SCHIP1: variants seen among roughly 807,000 people sequenced by gnomAD.
The protein encoded by SCHIP1 is schwannomin-interacting protein 1.
In SCHIP1, 8 loss-of-function variants were observed where a neutral mutation model predicts 29.7. The ratio of observed to expected loss-of-function variants is 0.27; its 90% CI spans 0.16 to 0.49. SCHIP1 has a LOEUF of 0.49. Among genes scored for constraint, SCHIP1 ranks in the 20% least tolerant of loss-of-function variants. SCHIP1 has a pLI of 0.99. For missense variants in SCHIP1, 193 were observed against 294.6 expected (o/e 0.66, Z 2.52); for synonymous variants, 76 against 94.9 (o/e 0.80, Z 1.16).
chr3:159,732,760 C>T, the SCHIP1 span, among the ~76,000 whole-genome samples: 3 of 152,276 alleles, frequency 2.0e-5, no homozygotes, highest in Non-Finnish European at 4.4e-5. Context: ...GCTATATAAC[C>T]TGGTGAACCG....
chr3:159,286,660 T>C, the SCHIP1 span, among the ~76,000 whole-genome samples: 12 of 152,186 alleles, frequency 7.9e-5, no homozygotes, highest in Admixed American at 2.0e-4. Flanking sequence ...CTGCTTTCCA[T>C]AGTGGCTGAA....
the SCHIP1 span, among the ~76,000 whole-genome samples, chr3:159,392,997 T>C: frequency 7.2e-5 from 11 of 152,210 alleles, no homozygotes; most frequent in African/African-American, 1.2e-4. Context: ...TTTTTAATGA[T>C]TGCCATTCTA....
the SCHIP1 span, among the ~76,000 whole-genome samples, chr3:159,461,683 C>G: frequency 2.6e-5 from 4 of 151,348 alleles, no homozygotes; most frequent in Non-Finnish European, 5.9e-5. Context: ...TCAAGCAGTT[C>G]TCGGTATACC....
At chr3:159,346,178 A>ACTC in the SCHIP1 span, among the ~76,000 whole-genome samples, 31 of 149,118 alleles carry the variant, frequency 2.1e-4, no homozygotes. Flanking sequence ...AGAGAATGAG[A>ACTC]CTCTGTCTCA....
chr3:159,516,690 C>T, the SCHIP1 span, among the ~76,000 whole-genome samples: 3 of 152,148 alleles, frequency 2.0e-5, no homozygotes, highest in Admixed American at 2.0e-4. Context: ...ACACCCTCTA[C>T]AGTCTGACAC....
the SCHIP1 span, among the ~76,000 whole-genome samples, chr3:159,318,192 G>A: frequency 2.6e-5 from 4 of 152,128 alleles, no homozygotes; most frequent in Non-Finnish European, 5.9e-5. Flanking sequence ...CTATCCACTT[G>A]ATTATTAAAC....
intron 4 of SCHIP1, chr3:159,888,191 C>A: frequency 2.4e-6 from 1 of 424,998 alleles, no homozygotes; most frequent in Non-Finnish European, 4.3e-6. Context: ...TCCTTTGAAG[C>A]GATCTCAATC....
chr3:159,731,695 G>A, the SCHIP1 span, among the ~76,000 whole-genome samples: 15 of 152,214 alleles, frequency 9.9e-5, no homozygotes, highest in African/African-American at 3.4e-4. Flanking sequence ...AGGCGAGCAA[G>A]ATCCTCTGTC....
chr3:159,813,890 G>C, the SCHIP1 span, among the ~76,000 whole-genome samples: 1 of 152,126 alleles, frequency 6.6e-6, no homozygotes, highest in African/African-American at 2.4e-5. Flanking sequence ...TATAATGGAG[G>C]CCACAGCCCA....
the SCHIP1 span, among the ~76,000 whole-genome samples, chr3:159,747,987 A>G: frequency 6.6e-6 from 1 of 152,178 alleles, no homozygotes; most frequent in Admixed American, 6.5e-5. Flanking sequence ...TTGATCATAA[A>G]GTTTCATCCT....
At chr3:159,537,593 G>A in the SCHIP1 span, among the ~76,000 whole-genome samples, 5 of 152,010 alleles carry the variant, frequency 3.3e-5, no homozygotes, top group African/African-American at 4.8e-5. Flanking sequence ...CACCTTGCCT[G>A]AGAGATCGGT....
the SCHIP1 span, among the ~76,000 whole-genome samples, chr3:159,369,147 T>C: frequency 6.6e-6 from 1 of 152,210 alleles, no homozygotes. Context: ...GTTTCAAAAA[T>C]TGTATGATAT....
At chr3:159,728,920 C>G in the SCHIP1 span, among the ~76,000 whole-genome samples, 1 of 152,166 alleles carries the variant, frequency 6.6e-6, no homozygotes, top group African/African-American at 2.4e-5. Context: ...GAGGCCAAGG[C>G]AGGCAGATCA....
the SCHIP1 span, among the ~76,000 whole-genome samples, chr3:159,305,705 CT>C: frequency 3.3e-5 from 5 of 152,168 alleles, no homozygotes; most frequent in Admixed American, 6.5e-5. Flanking sequence ...AATATATTAT[CT>C]TATATAATCC....
chr3:159,871,558 C>T (rs1715288234), intron 2 of SCHIP1, among the ~76,000 whole-genome samples: 1 of 152,118 alleles, frequency 6.6e-6, no homozygotes. Flanking sequence ...GTGAACTTCA[C>T]TATAGAATGG....
the SCHIP1 span, among the ~76,000 whole-genome samples, chr3:159,333,037 A>T: frequency 6.6e-6 from 1 of 152,196 alleles, no homozygotes; most frequent in East Asian, 1.9e-4. Context: ...AAAAAAGAAG[A>T]GATGATACTG....
the SCHIP1 span, among the ~76,000 whole-genome samples, chr3:159,560,489 GT>G: frequency 6.6e-6 from 1 of 152,128 alleles, no homozygotes; most frequent in Admixed American, 6.6e-5. Context: ...CTTTGCAGTG[GT>G]CTTTGTTTGG....
the SCHIP1 span, among the ~76,000 whole-genome samples, chr3:159,779,328 A>G: frequency 6.6e-6 from 1 of 152,172 alleles, no homozygotes; most frequent in South Asian, 2.1e-4. Flanking sequence ...AGAATTTCAA[A>G]AACTAAACCA....
At chr3:159,657,830 C>T in the SCHIP1 span, among the ~76,000 whole-genome samples, 80 of 152,324 alleles carry the variant, frequency 5.3e-4, no homozygotes, top group Admixed American at 2.7e-3. Flanking sequence ...GGTTTGTTCT[C>T]CAGGAGACAG....
Sources: gnomAD v4.1 joint callset for allele counts (sites outside exome capture counted in the v4.1 genomes callset) on GRCh38, gnomAD v4.1.1 for gene constraint, MANE v1.5 for transcripts, NCBI Gene and HGNC (gene_info 2026-07-23, HGNC 2026-07-21) for gene names.